Variants in RABGEF1 observed in about 807,000 individuals in gnomAD.
RABGEF1 encodes rab5 GDP/GTP exchange factor.
In RABGEF1, 26 loss-of-function variants were observed where a neutral mutation model predicts 57.3. The ratio of observed to expected loss-of-function variants is 0.45; its 90% CI spans 0.33 to 0.63. The LOEUF (loss-of-function observed/expected upper bound fraction) is 0.63. Among genes scored for constraint, RABGEF1 ranks in the 20% least tolerant of loss-of-function variants. The pLI is 0.02. For missense variants in RABGEF1, 464 were observed against 607.6 expected (o/e 0.76, Z 2.48); for synonymous variants, 185 against 210.7 (o/e 0.88, Z 1.06).
intron 1 of RABGEF1, among the ~76,000 whole-genome samples, chr7:66,762,055 AAAAAAAAC>A (rs1199203108): frequency 1.3e-5 from 2 of 151,220 alleles, no homozygotes; most frequent in Admixed American, 6.6e-5. Context: ...CCCTGTCTCA[AAAAAAAAC>A]AAAAAAACAA....
At chr7:66,669,460 G>A in the RABGEF1 span, among the ~76,000 whole-genome samples, 1 of 152,190 alleles carries the variant, frequency 6.6e-6, no homozygotes, top group Non-Finnish European at 1.5e-5. Flanking sequence ...AGGTTGCTGT[G>A]GGATGGGTGG....
chr7:66,667,629 T>G, the RABGEF1 span: 1 of 152,258 alleles, frequency 6.6e-6, no homozygotes, highest in Non-Finnish European at 1.5e-5. Context: ...CTTGGGAGGT[T>G]GTTCTGAATG....
At chr7:66,673,814 G>A in the RABGEF1 span, among the ~76,000 whole-genome samples, 2 of 151,888 alleles carry the variant, frequency 1.3e-5, no homozygotes, top group Non-Finnish European at 2.9e-5. Context: ...AGGAGTTAGA[G>A]GCTGCAGTGA....
Position 66,775,255 on chromosome 7 carries a change from G to T in RABGEF1, c.208G>T (p.Ala70Ser). 6.2e-7 allele frequency: 1 copy of T among 1,613,576 alleles called. No homozygotes were observed. Among genetic ancestry groups the T allele is most frequent in the Non-Finnish European group, 8.5e-7 (1 of 1,179,738 alleles). ...RLQREEEEAF[A>S]SSQSSQGAQS... ...CCAGCGGGAGGAAGAAGAGGCCTTT[G>T]CCAGCAGTCAGAGCAGCCAAGGGGC... Residue 70 changes from alanine (A) to serine (S), a missense_variant, in exon 3 of 9, where the codon GCC (alanine) becomes TCC (serine). Physicochemically the swap from Ala to Ser is moderately conservative, Grantham distance 99. Coordinates refer to ENST00000284957, the MANE Select transcript of RABGEF1 (RefSeq NM_014504.3).
At position 66,751,955 on chromosome 7, in the gene RABGEF1, G is replaced by C. The variant is rs572931787; in HGVS notation, c.-18+11163G>C. Reference sequence around the variant, plus strand: ...CTCACACCTGTAATCCCAGCACTTTGGGAAGCCAAGGTGGGAGGCTCACTT... The same window carrying C: ...CTCACACCTGTAATCCCAGCACTTTCGGAAGCCAAGGTGGGAGGCTCACTT... On this transcript the variant is annotated intron_variant, in intron 1 of 8. Transcript: ENST00000284957. 2.0e-5 allele frequency among the ~76,000 whole-genome samples: 3 copies of C among 152,210 alleles called. No homozygotes were observed. The South Asian group carries it at 6.2e-4, about 32-fold the overall frequency.
At chr7:66,741,672 C>T (rs9638494) in intron 1 of RABGEF1, among the ~76,000 whole-genome samples, 2,226 of 152,246 alleles carry the variant, frequency 0.015, 60 homozygotes, top group East Asian at 0.094. Context: ...TGCTTTCCCC[C>T]CTCTAAACCT....
intron 8 of RABGEF1, among the ~76,000 whole-genome samples, chr7:66,806,002 C>A (rs554898288): frequency 6.6e-6 from 1 of 152,112 alleles, no homozygotes; most frequent in African/African-American, 2.4e-5. Context: ...ACCTTGACCT[C>A]CCTAAGAGTT....
At chr7:66,808,713 G>A (rs979221283) in intron 8 of RABGEF1, among the ~76,000 whole-genome samples, 173 bp from the exon 9 acceptor site, 5 of 152,136 alleles carry the variant, frequency 3.3e-5, no homozygotes, top group Non-Finnish European at 7.4e-5. Flanking sequence ...TAGGAAGCAC[G>A]ACCGGGGATA....
At chr7:66,676,181 G>C in the RABGEF1 span, among the ~76,000 whole-genome samples, 1 of 152,104 alleles carries the variant, frequency 6.6e-6, no homozygotes, top group Non-Finnish European at 1.5e-5. Context: ...TTAGCCAGGA[G>C]TGGTGGCCCG....
chr7:66,700,950 A>G (rs1248157838), intron 1 of RABGEF1, among the ~76,000 whole-genome samples: 1 of 152,196 alleles, frequency 6.6e-6, no homozygotes, highest in African/African-American at 2.4e-5. Flanking sequence ...GCAGAGAGCC[A>G]TTGTGAGTCA....
At chr7:66,737,073 T>TGAGAGTGAGAGA (rs1798054520), upstream of RABGEF1, among the ~76,000 whole-genome samples, 2 of 117,094 alleles carry the variant, frequency 1.7e-5, no homozygotes, top group Non-Finnish European at 3.5e-5. Flanking sequence ...AGAGAGAGAG[T>TGAGAGTGAGAGA]GAGAGAGAGA....
At chr7:66,731,727 A>T (rs1487288997) in intron 2 of RABGEF1, among the ~76,000 whole-genome samples, 1 of 152,132 alleles carries the variant, frequency 6.6e-6, no homozygotes. Flanking sequence ...TAACATCAGG[A>T]TTCTTGGCAT....
intron 2 of RABGEF1, among the ~76,000 whole-genome samples, chr7:66,731,371 A>C (rs1797287783): frequency 6.6e-6 from 1 of 152,106 alleles, no homozygotes; most frequent in Admixed American, 6.5e-5. Context: ...AGACCTGAGA[A>C]GGCACCGTGT....
At chr7:66,799,838 G>A (rs1002975241) in intron 7 of RABGEF1, among the ~76,000 whole-genome samples, 74 of 152,224 alleles carry the variant, frequency 4.9e-4, no homozygotes, top group African/African-American at 1.7e-3. Flanking sequence ...CTGGAGTAAC[G>A]TAGTAAAATG....
the RABGEF1 span, among the ~76,000 whole-genome samples, chr7:66,660,187 A>C: frequency 5.3e-5 from 8 of 152,120 alleles, no homozygotes; most frequent in African/African-American, 1.7e-4. Context: ...CTCTACTAAA[A>C]ATAGAAAAAA....
chr7:66,738,030 T>TTTTTTTTTTTG (rs1562756395), upstream of RABGEF1, among the ~76,000 whole-genome samples: 38 of 146,952 alleles, frequency 2.6e-4, no homozygotes, highest in Middle Eastern at 3.6e-3. Context: ...TTTGTTTTTT[T>TTTTTTTTTTTG]TTTTTTTTGA....
At chr7:66,734,349 C>T (rs1353144848) in intron 2 of RABGEF1, among the ~76,000 whole-genome samples, 6 of 152,170 alleles carry the variant, frequency 3.9e-5, no homozygotes, top group Non-Finnish European at 8.8e-5. Flanking sequence ...AGCTCTACCA[C>T]CTCCTAGCTG....
At chr7:66,741,792 AGAGTGTTGGGATTATAGGCGT>A (rs1415374267) in intron 1 of RABGEF1, among the ~76,000 whole-genome samples, 1 of 152,040 alleles carries the variant, frequency 6.6e-6, no homozygotes, top group Non-Finnish European at 1.5e-5. Flanking sequence ...TCGGCCTCCC[AGAGTGTTGGGATTATAGGCGT>A]GAGCCATTGC....
At chr7:66,763,155 C>G (rs900392376) in intron 1 of RABGEF1, among the ~76,000 whole-genome samples, 5 of 152,130 alleles carry the variant, frequency 3.3e-5, no homozygotes, top group African/African-American at 1.2e-4. Context: ...GAGCCATTGC[C>G]CCTAGTCCAC....
Sources: allele counts gnomAD v4.1 joint callset (sites outside exome capture counted in the v4.1 genomes callset), GRCh38; gene constraint gnomAD v4.1.1; transcripts MANE v1.5; gene names NCBI Gene and HGNC (gene_info 2026-07-23, HGNC 2026-07-21).